The following FAM83C variants were observed in gnomAD, a reference collection of about 807,000 sequenced individuals.
FAM83C encodes the protein scaffolding CK1 anchoring protein C, also known as protein FAM83C.
A neutral mutation model predicts 27.1 loss-of-function variants in FAM83C; 23 were observed. The ratio of observed to expected loss-of-function variants is 0.85; its 90% CI spans 0.61 to 1.20. The LOEUF (loss-of-function observed/expected upper bound fraction) is 1.20. Ranked by LOEUF, FAM83C falls within the 50% of genes most tolerant of loss-of-function variation. The pLI is 0.00. For synonymous variants in FAM83C, 426 were observed against 423.1 expected (o/e 1.01, Z -0.09); for missense variants, 984 against 1,001.3 (o/e 0.98, Z 0.23).
In FAM83C at chr20:35,291,782, A is replaced by C; in HGVS notation, c.513+10T>G. 1 of 1,613,722 alleles carries C rather than the reference A, an allele frequency of 6.2e-7. No homozygotes were observed. The highest frequency in any genetic ancestry group is 8.5e-7 in the Non-Finnish European group (1 of 1,179,970). The stretch of plus-strand genomic sequence containing the variant: ...CTGTGAGATGAGTGATGGAGAGATG[A>C]GGCCCTTACCGTGTGGGCCTGGCTG... On this transcript the variant is annotated intron_variant, in intron 1 of 3. Coordinates refer to ENST00000374408, the MANE Select transcript of FAM83C (RefSeq NM_178468.6).
Position 35,287,128 on chromosome 20 carries a change from C to T in FAM83C, c.1651G>A (p.Ala551Thr). 1 of 1,603,740 alleles carries T rather than the reference C, an allele frequency of 6.2e-7. No individual in the cohort carries two copies. The highest frequency in any genetic ancestry group is 8.5e-7 in the Non-Finnish European group (1 of 1,178,254). The change falls in exon 4 of 4, where the codon GCC becomes ACC. Residue 551 changes from alanine to threonine, a missense_variant. Physicochemically the swap from Ala to Thr is moderately conservative, Grantham distance 58 (BLOSUM62 0). Coordinates refer to ENST00000374408, the MANE Select transcript of FAM83C (RefSeq NM_178468.6). ...PEDRRLSPSQ[A>T]DSQLDLLSRA... ...GACAGGAGATCCAGCTGGCTGTCGG[C>T]CTGGCTTGGGGACAACCTCCTGTCC... is the stretch of plus-strand genomic sequence containing the variant.
chr20:35,290,497 A>G, intron 1 of FAM83C, among the ~76,000 whole-genome samples: 1 of 152,356 alleles, frequency 6.6e-6, no homozygotes, highest in East Asian at 1.9e-4. Flanking sequence ...AGATAATGAT[A>G]GCCATGTCTC....
chr20:35,290,680 A>C (rs925609103), intron 1 of FAM83C, among the ~76,000 whole-genome samples: 9 of 152,186 alleles, frequency 5.9e-5, no homozygotes, highest in African/African-American at 2.2e-4. Context: ...TGAGAAGGCG[A>C]GGCACTGGGG....
chr20:35,286,754 C>T lies in FAM83C; in HGVS notation c.2025G>A (p.Leu675=). Residue 675 remains leucine, a synonymous_variant, in exon 4 of 4, where the codon CTG becomes CTA. Coordinates refer to ENST00000374408, the MANE Select transcript of FAM83C (RefSeq NM_178468.6). ...AGSGDEKRLT[L]GHSKLDLITK... is the part of the protein sequence containing the mutation. ...TGATGAGGTCCAGCTTGCTGTGGCC[C>T]AGGGTTAGCCGTTTCTCATCCCCAG... 2.5e-6 allele frequency: 4 copies of T among 1,614,204 alleles called. No individual in the cohort carries two copies. The highest frequency in any genetic ancestry group is 2.5e-6 in the Non-Finnish European group (3 of 1,180,016).
rs144783730 is a variant in FAM83C at position 35,292,011 on chromosome 20, C to T, written c.294G>A (p.Glu98=). Residue 98 remains glutamate, a synonymous_variant, in exon 1 of 4, where the codon GAG becomes GAA. Transcript: ENST00000374408. ...GPELSEAQGQ[E]ASGPDRLSLL... ...GGCTGAGGCGGTCTGGCCCGGAGGC[C>T]TCCTGCCCCTGAGCCTCGCTGAGCT... 1 of 1,613,640 alleles carries T rather than the reference C, an allele frequency of 6.2e-7. No individual in the cohort carries two copies. Among genetic ancestry groups the T allele is most frequent in the African/African-American group, 1.3e-5 (1 of 75,048 alleles).
rs755171458 is a variant in FAM83C at position 35,287,912 on chromosome 20, G to A, written c.867C>T (p.Ile289=). 7.7e-6 allele frequency: 12 copies of A among 1,556,250 alleles called. No homozygotes were observed. Among genetic ancestry groups the A allele is most frequent in the East Asian group, 4.8e-5 (2 of 41,380 alleles). The change falls in exon 4 of 4, where the codon ATC becomes ATT. Residue 289 remains isoleucine, a synonymous_variant. Coordinates refer to ENST00000374408, the MANE Select transcript of FAM83C (RefSeq NM_178468.6). ...GGAACTCCCGGTCAAAGTCTTCCAC[G>A]ATGCGGCCCCTCAGCTGCAGCACCA... ...TSMVLQLRGR[I]VEDFDREFRC... is the part of the protein sequence containing the mutation.
intron 1 of FAM83C, among the ~76,000 whole-genome samples, chr20:35,289,250 C>A (rs2060839613): frequency 1.3e-5 from 2 of 152,186 alleles, no homozygotes; most frequent in Admixed American, 1.3e-4. Context: ...TCTCTTCTGC[C>A]TAGAACTCCC....
At position 35,291,807 on chromosome 20, in the gene FAM83C, G is replaced by A. The variant is rs143108902; in HGVS notation, c.498C>T (p.Phe166=). 2.1e-4 allele frequency: 339 copies of A among 1,614,100 alleles called. No homozygotes were observed. The African/African-American group carries it at 4.3e-3, about 20-fold the overall frequency. ...AGGCCCTTACCGTGTGGGCCTGGCT[G>A]AAAAGGAAGCGCAGCAGGTCCTTGA... ...KNIKDLLRFL[F]SQAHTVVAVV... is the part of the protein sequence containing the mutation. The change falls in exon 1 of 4, where the codon TTC becomes TTT. Residue 166 remains phenylalanine, a synonymous_variant. Transcript: ENST00000374408.
At position 35,292,280 on chromosome 20, in the gene FAM83C, C is replaced by T; in HGVS notation, c.25G>A (p.Val9Ile). The change falls in exon 1 of 4, where the codon GTC becomes ATC. Residue 9 changes from valine (V) to isoleucine (I), a missense_variant. Val to Ile is a conservative substitution (Grantham distance 29, BLOSUM62 3). Coordinates refer to ENST00000374408, the MANE Select transcript of FAM83C (RefSeq NM_178468.6). ...CCCGCCATGCCCTGGGCTCCCAGGA[C>T]CCCAGGCCCCGGGCCTCCGAACATG... is the stretch of plus-strand genomic sequence containing the variant. MFGGPGPG[V>I]LGAQGMAGPL... The T allele has an allele frequency of 2.6e-6, 4 of 1,545,994 alleles. No homozygotes were observed. The highest frequency in any genetic ancestry group is 3.5e-6 in the Non-Finnish European group (4 of 1,152,774).
In FAM83C at chr20:35,286,709, G is replaced by A. The variant is rs140580929; in HGVS notation, c.2070C>T (p.His690=). ...CAGGCTCAGTTCCCTGCCTGGCCCCGTGCAACTGATGATACTTGGTGATGA... is the reference window on the plus strand; with the variant it reads ...CAGGCTCAGTTCCCTGCCTGGCCCCATGCAACTGATGATACTTGGTGATGA... ...LDLITKYHQL[H]GARQGTEPGG... Residue 690 remains histidine, a synonymous_variant, in exon 4 of 4, where the codon CAC becomes CAT. Coordinates refer to ENST00000374408, the MANE Select transcript of FAM83C (RefSeq NM_178468.6). 1.3e-5 allele frequency: 21 copies of A among 1,613,970 alleles called. No individual in the cohort carries two copies. The highest frequency in any genetic ancestry group is 9.9e-5 in the South Asian group (9 of 91,076).
intron 1 of FAM83C, 33 bp downstream of exon 1, chr20:35,291,759 G>A: frequency 6.2e-7 from 1 of 1,612,176 alleles, no homozygotes; most frequent in South Asian, 1.1e-5. Flanking sequence ...TTCCTCCTCT[G>A]TGAGATGAGT....
intron 1 of FAM83C, among the ~76,000 whole-genome samples, chr20:35,289,743 G>A (rs2060841280): frequency 6.6e-6 from 1 of 152,078 alleles, no homozygotes; most frequent in Non-Finnish European, 1.5e-5. Context: ...CCAAAGCACT[G>A]GGATTACAGT....
rs535246955 is a variant in FAM83C at position 35,288,302 on chromosome 20, G to A, written c.806+159C>T. Among the ~76,000 whole-genome samples the A allele has an allele frequency of 1.4e-3, 214 of 152,300 alleles. 1 individual carries two copies. The Middle Eastern group carries it at 0.02, about 15-fold the overall frequency. On this transcript the variant is annotated intron_variant, in intron 3 of 3. Coordinates refer to ENST00000374408, the MANE Select transcript of FAM83C (RefSeq NM_178468.6). ...ATTCCCCTAGAGTGAGCTCCTCCAG[G>A]GCCGATGCCCCCGACACCCTCCCCT...
In FAM83C at chr20:35,292,228, A is replaced by G. The variant is rs1392836756; in HGVS notation, c.77T>C (p.Leu26Pro). The G allele has an allele frequency of 3.8e-6, 6 of 1,582,588 alleles. No homozygotes were observed. The highest frequency in any genetic ancestry group is 1.7e-5 in the Admixed American group (1 of 58,184). ...GCTCTCCCGCCACCACGGCAGCTTC[A>G]GCTCTTCCACCCGGCCCCGCAGGGG... ...AGPLRGRVEE[L>P]KLPWWRESSP... The change falls in exon 1 of 4, where the codon CTG becomes CCG. Residue 26 changes from leucine to proline, a missense_variant. Physicochemically the swap from Leu to Pro is moderately conservative, Grantham distance 98. Coordinates refer to ENST00000374408, the MANE Select transcript of FAM83C (RefSeq NM_178468.6).
At chr20:35,291,058 C>T (rs1054618134) in intron 1 of FAM83C, among the ~76,000 whole-genome samples, 51 of 152,216 alleles carry the variant, frequency 3.4e-4, no homozygotes, top group Non-Finnish European at 6.8e-4. Context: ...ACCTGCCCTC[C>T]CAATTCTCTT....
chr20:35,287,699 G>A lies in FAM83C; in HGVS notation c.1080C>T (p.Ser360=), dbSNP rs2060833283. The A allele has an allele frequency of 6.2e-7, 1 of 1,614,088 alleles. No homozygotes were observed. Among genetic ancestry groups the A allele is most frequent in the Non-Finnish European group, 8.5e-7 (1 of 1,179,974 alleles). The change falls in exon 4 of 4, where the codon TCC becomes TCT. Residue 360 remains serine, a synonymous_variant. Coordinates refer to ENST00000374408, the MANE Select transcript of FAM83C (RefSeq NM_178468.6). Reference sequence around the variant, plus strand: ...CACCTCCTGGTAGAGCGAGGTAGGAGGAGCGACCCATAAGCGGTGACTGCT... The same window carrying A: ...CACCTCCTGGTAGAGCGAGGTAGGAAGAGCGACCCATAAGCGGTGACTGCT... ...SIKQSPLMGR[S]SYLALPGGGD...
At position 35,288,940 on chromosome 20, in the gene FAM83C, C is replaced by T. The variant is rs753688609; in HGVS notation, c.532G>A (p.Asp178Asn). 6.2e-7 allele frequency: 1 copy of T among 1,613,772 alleles called. No individual in the cohort carries two copies. The highest frequency in any genetic ancestry group is 8.5e-7 in the Non-Finnish European group (1 of 1,179,874). ...QAHTVVAVVM[D>N]IFTDMELLCD... ...AGAAGCTCCATGTCAGTGAATATGT[C>T]CATCACCACAGCCACCACCTGGGTG... Residue 178 changes from aspartate (D) to asparagine (N), a missense_variant, in exon 2 of 4, where the codon GAC becomes AAC. By Grantham distance (23) the Asp-to-Asn change is conservative. Transcript: ENST00000374408.
At position 35,287,217 on chromosome 20, in the gene FAM83C, C is replaced by T; in HGVS notation, c.1562G>A (p.Gly521Glu). 1 of 1,612,430 alleles carries T rather than the reference C, an allele frequency of 6.2e-7. No homozygotes were observed. The change falls in exon 4 of 4, where the codon GGA becomes GAA. Residue 521 changes from glycine (G) to glutamate (E), a missense_variant. Gly to Glu is a moderately conservative substitution (Grantham distance 98). Coordinates refer to ENST00000374408, the MANE Select transcript of FAM83C (RefSeq NM_178468.6). The part of the protein sequence containing the change: ...LVPFPRAREV[G>E]DPDSGVTPNS... ...GGGGGTAACCCCAGAGTCAGGGTCT[C>T]CCACTTCTCGGGCTCTGGGGAAGGG...
rs2060833044 is a variant in FAM83C at position 35,287,654 on chromosome 20, A to T, written c.1125T>A (p.Gly375=). 1 of 1,613,798 alleles carries T rather than the reference A, an allele frequency of 6.2e-7. No homozygotes were observed. The highest frequency in any genetic ancestry group is 8.5e-7 in the Non-Finnish European group (1 of 1,179,910). Residue 375 remains glycine (G), a synonymous_variant, in exon 4 of 4, where the codon GGT becomes GGA. Coordinates refer to ENST00000374408, the MANE Select transcript of FAM83C (RefSeq NM_178468.6). ...CAGGACCCAGGGACGAGGACACCAC[A>T]CCCGTATCACTGCAATCACCACCTC... ...LPGGGDCSDT[G]VVSSSLGPAR...
Sources: allele counts gnomAD v4.1 joint callset (sites outside exome capture counted in the v4.1 genomes callset), GRCh38; gene constraint gnomAD v4.1.1; transcripts MANE v1.5; gene names NCBI Gene and HGNC (gene_info 2026-07-23, HGNC 2026-07-21).